CELF4: variants seen among roughly 807,000 people sequenced by gnomAD.
CELF4 encodes CUGBP Elav-like family member 4, also known as CUG-BP- and ETR-3-like factor 4.
In CELF4, 18 loss-of-function variants were observed where a neutral mutation model predicts 59.9. That is an observed-to-expected ratio of 0.30 (90% CI 0.21 to 0.45). The LOEUF (loss-of-function observed/expected upper bound fraction) is 0.45, where lower values mean the gene tolerates loss of function less well. CELF4 is among the 20% of genes least tolerant of loss of function. The pLI, the probability that CELF4 is intolerant of heterozygous loss-of-function variation, is 1.00. For missense variants in CELF4, 456 were observed against 689.0 expected (o/e 0.66, Z 3.79); for synonymous variants, 261 against 267.1 (o/e 0.98, Z 0.22).
chr18:37,340,555 C>G (rs887254058), intron 2 of CELF4, among the ~76,000 whole-genome samples: 6 of 152,200 alleles, frequency 3.9e-5, no homozygotes, highest in African/African-American at 1.4e-4. Context: ...CACTCAACAA[C>G]CATTCCTGGG....
intron 2 of CELF4, among the ~76,000 whole-genome samples, chr18:37,338,959 C>A (rs2097887971): frequency 6.6e-6 from 1 of 152,162 alleles, no homozygotes; most frequent in Admixed American, 6.5e-5. Context: ...GAAGACCAGG[C>A]AAGAGGATGG....
intron 2 of CELF4, among the ~76,000 whole-genome samples, chr18:37,322,950 G>C (rs780304126): frequency 6.6e-6 from 1 of 152,196 alleles, no homozygotes; most frequent in African/African-American, 2.4e-5. Context: ...GGACATGGCT[G>C]GGAAGTGGGG....
chr18:37,305,055 A>C (rs2154472639), intron 3 of CELF4, among the ~76,000 whole-genome samples: 1 of 152,312 alleles, frequency 6.6e-6, no homozygotes, highest in East Asian at 1.9e-4. Context: ...GGAGGGGAAC[A>C]GGAGGAGGAG....
intron 1 of CELF4, among the ~76,000 whole-genome samples, chr18:37,547,972 T>G (rs933513840): frequency 6.6e-6 from 1 of 152,042 alleles, no homozygotes; most frequent in Non-Finnish European, 1.5e-5. Context: ...CATTTTTGAG[T>G]GTGTGTGTGT....
chr18:37,532,469 C>T (rs1472655927), intron 1 of CELF4, among the ~76,000 whole-genome samples: 2 of 152,182 alleles, frequency 1.3e-5, no homozygotes, highest in Non-Finnish European at 2.9e-5. Flanking sequence ...ACCCCATTAA[C>T]ATCTGAAACA....
At chr18:37,515,487 T>G (rs926610026) in intron 1 of CELF4, among the ~76,000 whole-genome samples, 13 of 152,182 alleles carry the variant, frequency 8.5e-5, no homozygotes, top group Non-Finnish European at 4.4e-5. Flanking sequence ...GAACTGGCAT[T>G]TCTTGGCCCA....
intron 2 of CELF4, among the ~76,000 whole-genome samples, chr18:37,330,656 T>A (rs987459927): frequency 3.9e-5 from 6 of 152,144 alleles, no homozygotes; most frequent in African/African-American, 1.4e-4. Context: ...ATGGCCCCAA[T>A]GCACAGTAGG....
intron 1 of CELF4, among the ~76,000 whole-genome samples, chr18:37,543,194 C>T (rs549580402): frequency 6.6e-6 from 1 of 152,194 alleles, no homozygotes; most frequent in African/African-American, 2.4e-5. Context: ...GGCTGTGAAA[C>T]AGGAAGCGTT....
intron 1 of CELF4, among the ~76,000 whole-genome samples, chr18:37,523,925 G>A (rs953581253): frequency 6.6e-6 from 1 of 152,278 alleles, no homozygotes; most frequent in East Asian, 1.9e-4. Context: ...CCCCCAAAAC[G>A]CCTGCCCTTT....
intron 1 of CELF4, among the ~76,000 whole-genome samples, chr18:37,551,863 C>G (rs1342079758): frequency 6.6e-6 from 1 of 152,196 alleles, no homozygotes; most frequent in East Asian, 1.9e-4. Context: ...GACTGATTCT[C>G]CCTCAGCCAG....
intron 2 of CELF4, among the ~76,000 whole-genome samples, chr18:37,423,054 G>GCA (rs985193740): frequency 4.0e-5 from 3 of 75,462 alleles, no homozygotes; most frequent in African/African-American, 1.0e-4. Context: ...ATAGACACAT[G>GCA]CGCGCGCGCG....
intron 2 of CELF4, among the ~76,000 whole-genome samples, chr18:37,457,985 G>GA (rs2099783094): frequency 6.6e-6 from 1 of 152,202 alleles, no homozygotes; most frequent in Non-Finnish European, 1.5e-5. Flanking sequence ...GAGGTGTCAG[G>GA]CTGAGGGTGT....
intron 2 of CELF4, among the ~76,000 whole-genome samples, chr18:37,342,031 CGT>C (rs917401734): frequency 2.0e-5 from 3 of 151,490 alleles, no homozygotes; most frequent in Non-Finnish European, 4.4e-5. Flanking sequence ...TGTGTGTGTG[CGT>C]GTGTGTGTGT....
chr18:37,299,584 C>T (rs1009790585), intron 3 of CELF4, among the ~76,000 whole-genome samples: 8 of 152,204 alleles, frequency 5.3e-5, no homozygotes, highest in African/African-American at 9.7e-5. Context: ...GCTGGCACTG[C>T]GGGCTCGGCT....
At chr18:37,490,942 A>C (rs1332448843) in intron 1 of CELF4, among the ~76,000 whole-genome samples, 1 of 151,880 alleles carries the variant, frequency 6.6e-6, no homozygotes, top group African/African-American at 2.4e-5. Flanking sequence ...TTTCTGTCCC[A>C]CCTCTTCCTG....
In CELF4 at chr18:37,334,725, C is replaced by CG. The variant is rs1166600011; in HGVS notation, c.370-12845dup. 7.2e-5 allele frequency among the ~76,000 whole-genome samples: 11 copies of CG among 151,972 alleles called. No homozygotes were observed. The East Asian group carries it at 9.7e-4, about 13-fold the overall frequency. ...GTTCCACCCTCACCCTGCCCTGACC[C>CG]GGGGGGGACAGCTCCTTTCTCTCTC... On this transcript the variant is annotated intron_variant, in intron 2 of 12. Coordinates refer to ENST00000420428, the MANE Select transcript of CELF4 (RefSeq NM_020180.4).
chr18:37,423,064 G>GTGCACACA (rs2099589071), intron 2 of CELF4, among the ~76,000 whole-genome samples: 29 of 150,524 alleles, frequency 1.9e-4, no homozygotes, highest in African/African-American at 6.8e-4. Context: ...GCGCGCGCGC[G>GTGCACACA]CACACACACA....
intron 2 of CELF4, among the ~76,000 whole-genome samples, chr18:37,482,796 G>A (rs564975418): frequency 2.6e-5 from 4 of 152,280 alleles, no homozygotes; most frequent in East Asian, 1.9e-4. Flanking sequence ...AACAGGATGC[G>A]AGCTCCATAA....
intron 12 of CELF4, among the ~76,000 whole-genome samples, chr18:37,248,961 G>GGGAA (rs2063754522): frequency 1.3e-5 from 2 of 150,118 alleles, no homozygotes; most frequent in African/African-American, 5.0e-5. Flanking sequence ...CAGGGAGGGA[G>GGGAA]GGAGGGAGGA....
Sources: gnomAD v4.1 joint callset for allele counts (sites outside exome capture counted in the v4.1 genomes callset) on GRCh38, gnomAD v4.1.1 for gene constraint, MANE v1.5 for transcripts, NCBI Gene and HGNC (gene_info 2026-07-23, HGNC 2026-07-21) for gene names.